ATP2B4: variants seen among roughly 807,000 people sequenced by gnomAD.
ATP2B4 encodes the protein ATPase plasma membrane Ca2+ transporting 4, also known as plasma membrane calcium-transporting ATPase 4.
In ATP2B4, 39 loss-of-function variants were observed where a neutral mutation model predicts 110.3. The ratio of observed to expected loss-of-function variants is 0.35; its 90% CI spans 0.27 to 0.46. ATP2B4 has a LOEUF of 0.46. Ranked by LOEUF, ATP2B4 falls within the 20% of genes least tolerant of loss-of-function variation. The probability of loss-of-function intolerance (pLI) is 1.00; values close to 1 mark genes in which losing one functional copy is unlikely to be tolerated. For synonymous variants in ATP2B4, 538 were observed against 571.7 expected, an observed-to-expected ratio of 0.94 and a Z score of 0.84; for missense variants, 1,135 against 1,530.9, an observed-to-expected ratio of 0.74 and a Z score of 4.32.
chr1:203,642,109 T>A (rs1248660341), intron 1 of ATP2B4, among the ~76,000 whole-genome samples: 1 of 152,130 alleles, frequency 6.6e-6, no homozygotes, highest in Non-Finnish European at 1.5e-5. Flanking sequence ...AGAGACAGGA[T>A]CTCACTTTTT....
At chr1:203,688,184 G>A (rs1021354239) in intron 2 of ATP2B4, among the ~76,000 whole-genome samples, 23 of 151,468 alleles carry the variant, frequency 1.5e-4, no homozygotes, top group Non-Finnish European at 2.7e-4. Context: ...CCACCATGCC[G>A]GGTTAATTTT....
intron 5 of ATP2B4, 50 bp downstream of exon 5, chr1:203,700,381 A>G (rs1353264663): frequency 6.3e-7 from 1 of 1,580,364 alleles, no homozygotes; most frequent in Non-Finnish European, 8.6e-7. Context: ...GCAAACACCT[A>G]GGCCACAGGA....
intron 19 of ATP2B4, among the ~76,000 whole-genome samples, chr1:203,724,878 T>TG (rs1378085647): frequency 3.5e-5 from 5 of 143,002 alleles, no homozygotes; most frequent in Non-Finnish European, 7.6e-5. Flanking sequence ...TTTTTTTTTT[T>TG]TTTTTTTTTT....
In ATP2B4 at chr1:203,724,865, C is replaced by CTCTT. The variant is rs1214526316; in HGVS notation, c.3132+878_3132+879insCTTT. Among the ~76,000 whole-genome samples the CTCTT allele has an allele frequency of 6.1e-3, 618 of 101,376 alleles. 53 individuals are homozygous for CTCTT. The highest frequency in any genetic ancestry group is 0.031 in the South Asian group (89 of 2,868). 66.5% of individuals were successfully genotyped at this position (101,376 alleles called of 152,430 possible). On this transcript the variant is annotated intron_variant, in intron 19 of 20. Coordinates refer to ENST00000357681, the MANE Select transcript of ATP2B4 (RefSeq NM_001684.5). ...ACTGCCTGGGTTTGAATCCAGCTCT[C>CTCTT]TGTTTTTTTTTTTTTTTTTTTTTTT...
At chr1:203,688,020 T>TTATTAG (rs1665253433) in intron 2 of ATP2B4, among the ~76,000 whole-genome samples, 1 of 147,730 alleles carries the variant, frequency 6.8e-6, no homozygotes, top group South Asian at 2.1e-4. Context: ...ATTATTATTA[T>TTATTAG]TATTATTATT....
intron 1 of ATP2B4, among the ~76,000 whole-genome samples, chr1:203,666,402 G>T (rs748164534): frequency 6.6e-6 from 1 of 152,186 alleles, no homozygotes; most frequent in Non-Finnish European, 1.5e-5. Context: ...AGCAAGGCAG[G>T]CCTCAATTCT....
intron 19 of ATP2B4, among the ~76,000 whole-genome samples, chr1:203,726,172 T>C (rs978566995): frequency 1.3e-5 from 2 of 149,914 alleles, no homozygotes; most frequent in Non-Finnish European, 3.0e-5. Context: ...GGAGGCGGAG[T>C]GCAATGAGCT....
chr1:203,646,350 G>A (rs1308760920), intron 1 of ATP2B4, among the ~76,000 whole-genome samples: 5 of 152,132 alleles, frequency 3.3e-5, no homozygotes, highest in Non-Finnish European at 7.4e-5. Flanking sequence ...GCAGTGGCAC[G>A]TGTCTGTAGT....
rs1416439840 is a variant in ATP2B4 at position 203,709,478 on chromosome 1, A to G, written c.1735A>G (p.Ile579Val). ...AGTGCGCAAGTCAATGAGCACCGTC[A>G]TCAGGAATCCCAACGGTGGCTTCCG... Reference protein sequence around the residue: ...NSVRKSMSTVIRNPNGGFRMY... With the variant: ...NSVRKSMSTVVRNPNGGFRMY... Residue 579 changes from isoleucine (I) to valine (V), a missense_variant, in exon 11 of 21, where the codon ATC becomes GTC. Ile to Val is a conservative substitution (Grantham distance 29). Around this residue, in one of 9 missense-constraint regions of ATP2B4, gnomAD observed 368 missense variants for 455.9 expected, o/e 0.81. Coordinates refer to ENST00000357681, the MANE Select transcript of ATP2B4 (RefSeq NM_001684.5). 1.9e-6 allele frequency: 3 copies of G among 1,614,078 alleles called. No individual in the cohort carries two copies. In the African/African-American group the frequency reaches 4.0e-5, roughly 22 times the overall value.
rs1490401296 is a variant in ATP2B4, at chr1:203,721,295, G to A, written c.2697G>A (p.Leu899=). ...ALATEPPTES[L]LKRRPYGRNK... ...CCACAGAGCCCCCTACGGAATCTCT[G>A]TTGAAGCGGCGCCCCTATGGCCGAA... Residue 899 remains leucine, a synonymous_variant, in exon 17 of 21, where the codon CTG becomes CTA. Transcript: ENST00000357681. 3 of 1,614,236 alleles carry A rather than the reference G, an allele frequency of 1.9e-6. No individual in the cohort carries two copies. The South Asian group carries it at 3.3e-5, about 18-fold the overall frequency.
intron 1 of ATP2B4, among the ~76,000 whole-genome samples, chr1:203,673,279 G>A (rs944329195): frequency 6.6e-6 from 1 of 152,182 alleles, no homozygotes; most frequent in Non-Finnish European, 1.5e-5. Context: ...CAATAGGTTT[G>A]CCCCAGTTCT....
At chr1:203,672,324 CTTTTTT>C (rs57144862) in intron 1 of ATP2B4, among the ~76,000 whole-genome samples, 12 of 79,606 alleles carry the variant, frequency 1.5e-4, no homozygotes, top group African/African-American at 5.7e-4. Flanking sequence ...TGCGGTGGCT[CTTTTTT>C]TTTTTTTTTT....
intron 1 of ATP2B4, among the ~76,000 whole-genome samples, chr1:203,632,776 C>T (rs1457802739): frequency 6.6e-6 from 1 of 150,488 alleles, no homozygotes; most frequent in African/African-American, 2.5e-5. Flanking sequence ...GTATTTGTGT[C>T]ATAAATTGGA....
At chr1:203,665,069 T>G (rs1263110840) in intron 1 of ATP2B4, among the ~76,000 whole-genome samples, 2 of 152,298 alleles carry the variant, frequency 1.3e-5, no homozygotes, top group East Asian at 3.9e-4. Flanking sequence ...TCTGCCCACC[T>G]CAGCCTCCCA....
intron 1 of ATP2B4, among the ~76,000 whole-genome samples, chr1:203,667,063 C>T (rs754308118): frequency 6.6e-6 from 1 of 152,166 alleles, no homozygotes; most frequent in Non-Finnish European, 1.5e-5. Flanking sequence ...GAGATCCTCC[C>T]ACCTCAGCCT....
At chr1:203,737,408 T>C (rs1666902688) in intron 20 of ATP2B4, among the ~76,000 whole-genome samples, 1 of 152,222 alleles carries the variant, frequency 6.6e-6, no homozygotes, top group African/African-American at 2.4e-5. Context: ...TTATCACTCC[T>C]GACAGTGATG....
intron 2 of ATP2B4, among the ~76,000 whole-genome samples, chr1:203,693,068 G>A (rs1665432356): frequency 6.6e-6 from 1 of 152,166 alleles, no homozygotes; most frequent in Non-Finnish European, 1.5e-5. Context: ...CTTTTCCTGT[G>A]TTTCCAGCAT....
intron 19 of ATP2B4, among the ~76,000 whole-genome samples, chr1:203,727,090 G>A (rs554818437): frequency 1.6e-4 from 24 of 152,196 alleles, no homozygotes; most frequent in Non-Finnish European, 2.9e-4. Flanking sequence ...AAATGGAACA[G>A]AAGAAATGAG....
At chr1:203,739,099 T>C (rs909826488) in intron 20 of ATP2B4, among the ~76,000 whole-genome samples, 31 of 152,206 alleles carry the variant, frequency 2.0e-4, no homozygotes, top group Admixed American at 3.9e-4. Flanking sequence ...ATTTTTCCAT[T>C]CCACATTCAC....
Sources: gnomAD v4.1 joint callset for allele counts (sites outside exome capture counted in the v4.1 genomes callset) on GRCh38, gnomAD v4.1.1 for gene constraint, gnomAD v4.1.1 regional missense constraint, MANE v1.5 for transcripts, NCBI Gene and HGNC (gene_info 2026-07-23, HGNC 2026-07-21) for gene names.